Variants in FNDC3A observed in about 807,000 individuals in gnomAD.
FNDC3A encodes fibronectin type-III domain-containing protein 3A.
Under a neutral mutation model 148.9 loss-of-function variants are expected in FNDC3A, and 32 were observed. The observed-to-expected ratio is 0.21, with a 90% CI of 0.16 to 0.29. FNDC3A has a LOEUF of 0.29. Ranked by LOEUF, FNDC3A falls within the 10% of genes least tolerant of loss-of-function variation. The probability of loss-of-function intolerance (pLI) is 1.00; values close to 1 mark genes in which losing one functional copy is unlikely to be tolerated. For missense variants in FNDC3A, 1,191 were observed against 1,452.8 expected, an observed-to-expected ratio of 0.82 and a Z score of 2.93; for synonymous variants, 472 against 473.6, an observed-to-expected ratio of 1.00 and a Z score of 0.04.
At chr13:49,030,252 C>A (rs1874012206) in intron 2 of FNDC3A, among the ~76,000 whole-genome samples, 2 of 152,102 alleles carry the variant, frequency 1.3e-5, no homozygotes, top group African/African-American at 4.8e-5. Flanking sequence ...ATACATAGAA[C>A]AATCATTGTA....
chr13:49,162,841 G>A (rs1884227712), intron 8 of FNDC3A, among the ~76,000 whole-genome samples: 2 of 151,958 alleles, frequency 1.3e-5, no homozygotes, highest in Admixed American at 1.3e-4. Context: ...CTTCCTGTTT[G>A]TTAGTTTTCC....
At chr13:49,165,698 G>A (rs1289626247) in intron 8 of FNDC3A, among the ~76,000 whole-genome samples, 1 of 152,182 alleles carries the variant, frequency 6.6e-6, no homozygotes, top group African/African-American at 2.4e-5. Context: ...GGGTCAGGCA[G>A]GTGGCCAGGT....
At chr13:49,030,095 C>T (rs1476417343) in intron 2 of FNDC3A, among the ~76,000 whole-genome samples, 1 of 152,074 alleles carries the variant, frequency 6.6e-6, no homozygotes, top group Non-Finnish European at 1.5e-5. Flanking sequence ...AAGAAAACCA[C>T]AGACCAATAT....
At chr13:49,041,877 A>G (rs1158144814) in intron 2 of FNDC3A, among the ~76,000 whole-genome samples, 1 of 152,038 alleles carries the variant, frequency 6.6e-6, no homozygotes, top group Non-Finnish European at 1.5e-5. Flanking sequence ...AAGGTGTGGA[A>G]TTTTATAAGA....
chr13:49,072,456 CTCTG>C (rs1164312587), intron 2 of FNDC3A, among the ~76,000 whole-genome samples: 2 of 152,012 alleles, frequency 1.3e-5, no homozygotes, highest in South Asian at 2.1e-4. Context: ...CTGTTGATCT[CTCTG>C]TCTGTTTTTA....
intron 1 of FNDC3A, among the ~76,000 whole-genome samples, chr13:49,000,956 T>TTG (rs1566182761): frequency 1.5e-5 from 2 of 134,042 alleles, no homozygotes; most frequent in Admixed American, 1.5e-4. Flanking sequence ...CTAACAGGTT[T>TTG]TGTGTGTTTG....
Position 49,191,119 on chromosome 13 carries a change from G to C in FNDC3A, c.2049G>C (p.Trp683Cys), listed in dbSNP as rs571655608. 1 of 1,608,290 alleles carries C rather than the reference G, an allele frequency of 6.2e-7. No individual in the cohort carries two copies. The highest frequency in any genetic ancestry group is 1.1e-5 in the South Asian group (1 of 89,794). Residue 683 changes from tryptophan (W) to cysteine (C), a missense_variant and splice_region_variant, in exon 18 of 26, where the codon TGG (tryptophan) becomes TGC (cysteine). Transcript: ENST00000492622. ...AAGCAAAAGAAATACAGTTACGATG[G>C]GGTAATTTCCATTTTGGTAATAAAT... The part of the protein sequence containing the change: ...RPKAKEIQLR[W>C]GPPLVDGGSP...
At chr13:49,001,390 G>C (rs901404915) in intron 1 of FNDC3A, among the ~76,000 whole-genome samples, 16 of 152,278 alleles carry the variant, frequency 1.1e-4, no homozygotes, top group African/African-American at 3.9e-4. Flanking sequence ...TGTTTGTAGA[G>C]CATGTCTGTT....
chr13:49,086,291 A>T (rs1290627692), intron 3 of FNDC3A, among the ~76,000 whole-genome samples: 1 of 152,146 alleles, frequency 6.6e-6, no homozygotes, highest in Admixed American at 6.6e-5. Context: ...CATGCCTTTT[A>T]AGGTTCATCA....
In FNDC3A at chr13:49,015,520, C is replaced by A. The variant is rs143837364; in HGVS notation, c.99+9231C>A. On this transcript the variant is annotated intron_variant, in intron 2 of 25. Coordinates refer to ENST00000492622, the MANE Select transcript of FNDC3A (RefSeq NM_001079673.2). ...TTGGGCTGAGACAGTGGGGTTTTCT[C>A]GATATACAATCATGTCGTCTGCAAA... Among the ~76,000 whole-genome samples, 1,260 of 152,094 alleles carry A rather than the reference C, an allele frequency of 8.3e-3. 46 individuals carry two copies. Among genetic ancestry groups the A allele is most frequent in the Admixed American group, 0.068 (1,040 of 15,272 alleles).
intron 3 of FNDC3A, among the ~76,000 whole-genome samples, chr13:49,111,667 A>G (rs1009593704): frequency 1.3e-5 from 2 of 151,060 alleles, no homozygotes; most frequent in African/African-American, 4.9e-5. Context: ...AAGAGGTTGC[A>G]TTGAGCTGAG....
chr13:49,072,961 T>C (rs1444142343), intron 2 of FNDC3A, among the ~76,000 whole-genome samples: 1 of 152,228 alleles, frequency 6.6e-6, no homozygotes, highest in African/African-American at 2.4e-5. Context: ...TATTTCTGTC[T>C]CTTGCCTAAT....
chr13:49,071,212 C>G (rs1332828000), intron 2 of FNDC3A, among the ~76,000 whole-genome samples: 1 of 151,722 alleles, frequency 6.6e-6, no homozygotes, highest in Non-Finnish European at 1.5e-5. Flanking sequence ...GGATTTTGTT[C>G]TTTTTCATGG....
chr13:49,161,701 C>G (rs183996800), intron 8 of FNDC3A, among the ~76,000 whole-genome samples: 2 of 152,116 alleles, frequency 1.3e-5, no homozygotes, highest in African/African-American at 4.8e-5. Flanking sequence ...TTCCTAGCAT[C>G]GATGATGTTT....
At chr13:49,056,029 T>TA (rs1315918836) in intron 2 of FNDC3A, among the ~76,000 whole-genome samples, 3 of 150,374 alleles carry the variant, frequency 2.0e-5, no homozygotes, top group East Asian at 2.0e-4. Context: ...TCTACAAAAA[T>TA]AAAAAAAATT....
intron 4 of FNDC3A, among the ~76,000 whole-genome samples, chr13:49,123,097 A>T (rs577005793): frequency 1.3e-5 from 2 of 152,336 alleles, no homozygotes; most frequent in South Asian, 4.1e-4. Context: ...ACTTCAAACT[A>T]TACTACAAAT....
Position 49,208,822 on chromosome 13 carries a change from G to A in FNDC3A, c.*1427G>A, listed in dbSNP as rs1348789896. The A allele has an allele frequency of 6.6e-6, 1 of 152,544 alleles. No homozygotes were observed. Among genetic ancestry groups the A allele is most frequent in the Non-Finnish European group, 1.5e-5 (1 of 68,000 alleles). 9.4% of individuals were successfully genotyped at this position (152,544 alleles called of 1,614,324 possible). A position where few individuals can be genotyped will look rare whatever the true frequency, so the allele number is the denominator to read the frequency against. On this transcript the variant is annotated 3_prime_UTR_variant, in exon 26 of 26. Transcript: ENST00000492622. ...CGAATCACTAATTTTTAGTTGCTGA[G>A]GTTGGCATTTTAGTGATTATTAAGC... is the stretch of plus-strand genomic sequence containing the variant.
At chr13:49,026,527 A>G (rs1361702760) in intron 2 of FNDC3A, among the ~76,000 whole-genome samples, 1 of 152,186 alleles carries the variant, frequency 6.6e-6, no homozygotes, top group Non-Finnish European at 1.5e-5. Flanking sequence ...TTTTTAAGAC[A>G]GGGTCCTGTT....
At position 49,050,058 on chromosome 13, in the gene FNDC3A, A is replaced by G. The variant is rs959817841; in HGVS notation, c.100-25231A>G. 3.9e-5 allele frequency among the ~76,000 whole-genome samples: 6 copies of G among 152,128 alleles called. 1 individual carries two copies. The highest frequency in any genetic ancestry group is 1.2e-4 in the African/African-American group (5 of 41,428). On this transcript the variant is annotated intron_variant, in intron 2 of 25. Transcript: ENST00000492622. ...TCTTGGTTAATCTCACTAATGGTCTATCAGTTTTATTTATCTTTTCAAAGA... is the reference window on the plus strand; with the variant it reads ...TCTTGGTTAATCTCACTAATGGTCTGTCAGTTTTATTTATCTTTTCAAAGA...
Sources: allele counts gnomAD v4.1 joint callset (sites outside exome capture counted in the v4.1 genomes callset), GRCh38; gene constraint gnomAD v4.1.1; transcripts MANE v1.5; gene names NCBI Gene and HGNC (gene_info 2026-07-23, HGNC 2026-07-21).